Variants in NEK10 observed in about 807,000 individuals in gnomAD.
The protein encoded by NEK10 is serine/threonine-protein kinase Nek10.
A neutral mutation model predicts 159.8 loss-of-function variants in NEK10; 122 were observed. The observed-to-expected ratio is 0.76, with a 90% CI of 0.66 to 0.89. The LOEUF (loss-of-function observed/expected upper bound fraction) is 0.89, where lower values mean the gene tolerates loss of function less well. NEK10 is among the 40% of genes least tolerant of loss of function. The pLI, the probability that NEK10 is intolerant of heterozygous loss-of-function variation, is 0.00. For synonymous variants in NEK10, 466 were observed against 457.1 expected (o/e 1.02, Z -0.25); for missense variants, 1,342 against 1,323.1 (o/e 1.01, Z -0.22).
intron 4 of NEK10, among the ~76,000 whole-genome samples, chr3:27,345,468 T>G (rs142287642): frequency 1.2e-3 from 180 of 152,274 alleles, no homozygotes; most frequent in Non-Finnish European, 1.5e-3. Context: ...AAATGATCCT[T>G]CTAGAATATT....
chr3:27,237,230 G>T (rs1369887877), intron 23 of NEK10, among the ~76,000 whole-genome samples: 1 of 152,046 alleles, frequency 6.6e-6, no homozygotes, highest in East Asian at 1.9e-4. Context: ...CATTTCCAAG[G>T]TGCACTGATT....
chr3:27,305,663 G>C (rs973475983), intron 11 of NEK10, among the ~76,000 whole-genome samples: 4 of 150,748 alleles, frequency 2.7e-5, no homozygotes, highest in African/African-American at 9.7e-5. Context: ...CTAGTCTTCA[G>C]AAACTTACTA....
At chr3:27,282,542 A>ATT (rs1465271929) in intron 22 of NEK10, among the ~76,000 whole-genome samples, 4 of 96,038 alleles carry the variant, frequency 4.2e-5, no homozygotes, top group African/African-American at 1.7e-4. Flanking sequence ...AATGTGTTAT[A>ATT]TATATATATA....
chr3:27,342,215 A>G (rs1390980766), intron 5 of NEK10, among the ~76,000 whole-genome samples: 1 of 151,988 alleles, frequency 6.6e-6, no homozygotes. Context: ...TAAGCCTTCA[A>G]CCCAACACTA....
chr3:27,329,501 T>C (rs1056666386), intron 5 of NEK10, among the ~76,000 whole-genome samples: 1 of 152,196 alleles, frequency 6.6e-6, no homozygotes, highest in African/African-American at 2.4e-5. Flanking sequence ...CAGAAACTTA[T>C]GTACTCATGA....
chr3:27,306,510 C>T (rs964794297), intron 11 of NEK10, among the ~76,000 whole-genome samples: 89 of 152,274 alleles, frequency 5.8e-4, no homozygotes, highest in South Asian at 8.3e-4. Flanking sequence ...TGGATATAAA[C>T]AAACACCCCC....
At position 27,344,271 on chromosome 3, in the gene NEK10, C is replaced by T. The variant is rs751029281; in HGVS notation, c.362+1G>A. 4.0e-6 allele frequency: 6 copies of T among 1,491,418 alleles called. No individual in the cohort carries two copies. The highest frequency in any genetic ancestry group is 5.6e-6 in the Non-Finnish European group (6 of 1,074,820). The allele number at this position is 1,491,418 out of a possible 1,614,324, so 92.4% of individuals were successfully genotyped here. ...AGCCTGTTTTCCAGGAACAATCTTA[C>T]CTGCTTATGAGTCTATTTTTCACCA... On this transcript the variant is annotated splice_donor_variant, in intron 5 of 35. Coordinates refer to ENST00000691995, the MANE Select transcript of NEK10 (RefSeq NM_001394966.1). LOFTEE classifies it high-confidence loss of function.
At chr3:27,188,282 G>A (rs1043060942) in intron 26 of NEK10, among the ~76,000 whole-genome samples, 4 of 152,066 alleles carry the variant, frequency 2.6e-5, no homozygotes, top group Non-Finnish European at 5.9e-5. Context: ...TCATTAGAAA[G>A]TTCCTCCTGC....
At chr3:27,341,346 G>C (rs1003672866) in intron 5 of NEK10, among the ~76,000 whole-genome samples, 1 of 152,144 alleles carries the variant, frequency 6.6e-6, no homozygotes, top group African/African-American at 2.4e-5. Context: ...GTAGCTAGAA[G>C]AGAGTTCTCA....
At chr3:27,185,617 T>C (rs575542544) in intron 26 of NEK10, among the ~76,000 whole-genome samples, 3 of 152,158 alleles carry the variant, frequency 2.0e-5, no homozygotes, top group South Asian at 2.1e-4. Context: ...CCCACAATCA[T>C]GTAAGCCAGT....
rs768297559 is a variant in NEK10 at position 27,131,910 on chromosome 3, G to A, written c.3051C>T (p.Asn1017=). The A allele has an allele frequency of 3.7e-6, 6 of 1,600,358 alleles. No homozygotes were observed. The African/African-American group carries it at 5.4e-5, about 14-fold the overall frequency. The part of the protein sequence containing the change: ...FKKSLFSQQS[N]PCNLKSEIKK... ...TAATTTCAGATTTCAAATTACAAGG[G>A]TTACTCTGCTGGCTGAAGAGGGATT... Residue 1017 remains asparagine, a synonymous_variant, in exon 32 of 36, where the codon AAC becomes AAT. Coordinates refer to ENST00000691995, the MANE Select transcript of NEK10 (RefSeq NM_001394966.1).
intron 6 of NEK10, among the ~76,000 whole-genome samples, chr3:27,317,948 G>A (rs779086607): frequency 1.6e-4 from 25 of 152,140 alleles, no homozygotes; most frequent in Non-Finnish European, 3.2e-4. Context: ...GACTACAGGC[G>A]CCCGCCACCA....
chr3:27,194,338 A>G (rs924027379), intron 25 of NEK10: 6 of 151,982 alleles, frequency 3.9e-5, no homozygotes, highest in African/African-American at 7.3e-5. Context: ...CGTGGTCTCA[A>G]TCTCCTGACC....
chr3:27,257,239 T>A (rs1575474605), intron 22 of NEK10, among the ~76,000 whole-genome samples: 1 of 152,306 alleles, frequency 6.6e-6, no homozygotes, highest in Non-Finnish European at 1.5e-5. Context: ...ACTCAACAAC[T>A]TAGGTCAAAA....
chr3:27,122,186 G>A (rs1039777582), intron 32 of NEK10, among the ~76,000 whole-genome samples: 3 of 152,020 alleles, frequency 2.0e-5, no homozygotes, highest in Non-Finnish European at 2.9e-5. Context: ...GAGATCTCAC[G>A]AGATCTGATG....
intron 30 of NEK10, among the ~76,000 whole-genome samples, chr3:27,153,100 C>G (rs1945046620): frequency 6.6e-6 from 1 of 152,056 alleles, no homozygotes; most frequent in South Asian, 2.1e-4. Flanking sequence ...GTGGGCAGAT[C>G]ATGAGGTCAG....
chr3:27,219,510 C>A (rs1302530360), intron 23 of NEK10, among the ~76,000 whole-genome samples: 2 of 152,176 alleles, frequency 1.3e-5, no homozygotes, highest in Non-Finnish European at 2.9e-5. Context: ...TTTTCTATCT[C>A]TTTAGTGGAT....
At chr3:27,367,554 C>T (rs749386854) in intron 1 of NEK10, 16 of 152,162 alleles carry the variant, frequency 1.1e-4, no homozygotes, top group Non-Finnish European at 2.4e-4. Context: ...TTGGCCATTT[C>T]TGACTTTTCT....
At chr3:27,218,755 A>AG (rs901486593) in intron 23 of NEK10, among the ~76,000 whole-genome samples, 1 of 150,740 alleles carries the variant, frequency 6.6e-6, no homozygotes, top group Admixed American at 6.6e-5. Context: ...AAAAAAAAAA[A>AG]GGATCATCTT....
Sources: allele counts gnomAD v4.1 joint callset (sites outside exome capture counted in the v4.1 genomes callset), GRCh38; gene constraint gnomAD v4.1.1; transcripts MANE v1.5; gene names NCBI Gene and HGNC (gene_info 2026-07-23, HGNC 2026-07-21).